DST: variants seen among roughly 807,000 people sequenced by gnomAD.
The protein encoded by DST is dystonin.
A neutral mutation model predicts 875.2 loss-of-function variants in DST; 253 were observed. That is an observed-to-expected ratio of 0.29 (90% CI 0.26 to 0.32). DST has a LOEUF of 0.32. DST is among the 10% of genes least tolerant of loss of function. The probability of loss-of-function intolerance (pLI) is 1.00; values close to 1 mark genes in which losing one functional copy is unlikely to be tolerated. For synonymous variants in DST, 3,124 were observed against 3,197.1 expected (o/e 0.98, Z 0.77); for missense variants, 8,287 against 9,111.6 (o/e 0.91, Z 3.68).
At position 56,835,005 on chromosome 6, in the gene DST, G is replaced by A. The variant is rs189376746; in HGVS notation, c.625+16392C>T. On this transcript the variant is annotated intron_variant, in intron 4 of 103. Coordinates refer to ENST00000680361, the MANE Select transcript of DST (RefSeq NM_001374736.1). ...TTGGTACTTCCAGACAATGAACTTA[G>A]CAATAAAAAGAGATGAGCTATCAAG... Among the ~76,000 whole-genome samples the A allele has an allele frequency of 2.1e-4, 32 of 152,276 alleles. No individual in the cohort carries two copies. The East Asian group carries it at 6.0e-3, about 28-fold the overall frequency.
In DST at chr6:56,605,845, G is replaced by C. The variant is rs781778328; in HGVS notation, c.8783C>G (p.Thr2928Ser). 1 of 1,612,286 alleles carries C rather than the reference G, an allele frequency of 6.2e-7. No individual in the cohort carries two copies. The highest frequency in any genetic ancestry group is 1.3e-5 in the African/African-American group (1 of 74,824). The part of the protein sequence containing the change: ...KDVLPPIIKD[T>S]ESEKTFGPAS... Reference sequence around the variant, plus strand: ...AGGGCCAAAAGTTTTTTCAGATTCAGTGTCTTTAATGATAGGCGGCAATAC... The same window carrying C: ...AGGGCCAAAAGTTTTTTCAGATTCACTGTCTTTAATGATAGGCGGCAATAC... Residue 2928 changes from threonine (T) to serine (S), a missense_variant, in exon 40 of 104, where the codon ACT (threonine) becomes AGT (serine). Transcript: ENST00000680361.
chr6:56,520,969 T>C (rs1016120637), intron 69 of DST, among the ~76,000 whole-genome samples: 8 of 152,104 alleles, frequency 5.3e-5, no homozygotes, highest in Admixed American at 3.9e-4. Context: ...TTTCTGTAAT[T>C]ATAAGGAAAC....
rs1281477350 is a variant in DST at position 56,693,413 on chromosome 6, C to T, written c.1047+6240G>A. On this transcript the variant is annotated intron_variant, in intron 9 of 103. Transcript: ENST00000680361. ...CAATCCTCTTAGACAAACATTACTG[C>T]TCACTGTCAAATTACAACACTGATG... 3 of 1,087,680 alleles carry T rather than the reference C, an allele frequency of 2.8e-6. No individual in the cohort carries two copies. In the Admixed American group the frequency reaches 1.5e-4, roughly 53 times the overall value. The allele number at this position is 1,087,680 out of a possible 1,614,324, so 67.4% of individuals were successfully genotyped here.
chr6:56,602,534 G>A (rs1010333846), intron 43 of DST, among the ~76,000 whole-genome samples: 1 of 151,914 alleles, frequency 6.6e-6, no homozygotes, highest in African/African-American at 2.4e-5. Context: ...ATTAAGTGAT[G>A]CATGACTGTA....
intron 2 of DST, among the ~76,000 whole-genome samples, chr6:56,951,956 C>T (rs1286204299): frequency 6.6e-6 from 1 of 152,132 alleles, no homozygotes; most frequent in Non-Finnish European, 1.5e-5. Context: ...CAGGAACTAG[C>T]ACCCACTAGG....
At chr6:56,462,495 T>C (rs1402836597) in intron 102 of DST, among the ~76,000 whole-genome samples, 1 of 152,158 alleles carries the variant, frequency 6.6e-6, no homozygotes, top group Non-Finnish European at 1.5e-5. Context: ...CTGACCCCCC[T>C]GCACTGATAC....
intron 5 of DST, among the ~76,000 whole-genome samples, chr6:56,719,130 C>A (rs1430844964): frequency 6.6e-6 from 1 of 152,094 alleles, no homozygotes; most frequent in African/African-American, 2.4e-5. Context: ...AGTGTTCACA[C>A]ATGAAAAATA....
chr6:56,573,156 G>A, intron 51 of DST, 92 bp from the exon 52 acceptor site: 1 of 1,133,190 alleles, frequency 8.8e-7, no homozygotes, highest in South Asian at 1.8e-5. Flanking sequence ...AACAACATAA[G>A]CTTGCACAAC....
At chr6:56,603,510 C>G (rs2098465155) in intron 41 of DST, 54 bp downstream of exon 41, 2 of 1,587,626 alleles carry the variant, frequency 1.3e-6, no homozygotes, top group Non-Finnish European at 1.7e-6. Context: ...CTTCTTTTTC[C>G]CAGTCATACA....
intron 37 of DST, among the ~76,000 whole-genome samples, chr6:56,611,979 C>A (rs1421332651): frequency 6.6e-6 from 1 of 152,206 alleles, no homozygotes; most frequent in Non-Finnish European, 1.5e-5. Flanking sequence ...GACACTACTT[C>A]CAAAGGGCAT....
At chr6:56,792,567 C>G (rs2099729012) in intron 4 of DST, among the ~76,000 whole-genome samples, 1 of 152,046 alleles carries the variant, frequency 6.6e-6, no homozygotes, top group Non-Finnish European at 1.5e-5. Flanking sequence ...TCCCTAGTAG[C>G]TGGGAACACA....
intron 4 of DST, among the ~76,000 whole-genome samples, chr6:56,825,488 T>C (rs974592107): frequency 7.5e-5 from 9 of 120,008 alleles, no homozygotes; most frequent in Non-Finnish European, 1.2e-4. Context: ...CACCCAAGAA[T>C]GATCAATAAA....
chr6:56,633,381 T>C lies in DST; in HGVS notation c.3622-344A>G, dbSNP rs895519909. Reference sequence around the variant, plus strand: ...AGCTGGGACTACAGGCGCCTGCCACTACGCCCGGCTAATTTTTTGTATTTT... The same window carrying C: ...AGCTGGGACTACAGGCGCCTGCCACCACGCCCGGCTAATTTTTTGTATTTT... On this transcript the variant is annotated intron_variant, in intron 27 of 103. Coordinates refer to ENST00000680361, the MANE Select transcript of DST (RefSeq NM_001374736.1). Among the ~76,000 whole-genome samples the C allele has an allele frequency of 2.8e-3, 414 of 149,994 alleles. 2 individuals are homozygous for C. Among genetic ancestry groups the C allele is most frequent in the East Asian group, 4.1e-3 (21 of 5,116 alleles).
intron 3 of DST, among the ~76,000 whole-genome samples, chr6:56,894,304 G>C (rs1789622901): frequency 2.3e-5 from 2 of 87,360 alleles, no homozygotes; most frequent in East Asian, 3.1e-4. Context: ...AGGGGCGGCC[G>C]GGCAGAGGCG....
intron 1 of DST, 64 bp from the exon 2 acceptor site, chr6:56,953,883 C>A (rs998139346): frequency 7.5e-6 from 9 of 1,201,002 alleles, no homozygotes; most frequent in Non-Finnish European, 1.0e-5. Context: ...CCGAGTGACT[C>A]ATGACTTACC....
chr6:56,606,575 C>T lies in DST; in HGVS notation c.8053G>A (p.Ala2685Thr). Residue 2685 changes from alanine (A) to threonine (T), a missense_variant, in exon 40 of 104, where the codon GCA becomes ACA. Transcript: ENST00000680361. ...PVGSLSVKNK[A>T]HCLQDFLMDV... Reference sequence around the variant, plus strand: ...ATAAGGAAATCCTGAAGACAATGTGCTTTGTTCTTCACACTTAAGCTACCA... The same window carrying T: ...ATAAGGAAATCCTGAAGACAATGTGTTTTGTTCTTCACACTTAAGCTACCA... The T allele has an allele frequency of 2.1e-5, 34 of 1,613,568 alleles. No homozygotes were observed. Among genetic ancestry groups the T allele is most frequent in the Non-Finnish European group, 2.9e-5 (34 of 1,179,606 alleles).
chr6:56,833,091 C>T (rs531761685), intron 4 of DST, among the ~76,000 whole-genome samples: 3 of 152,290 alleles, frequency 2.0e-5, no homozygotes, highest in East Asian at 1.9e-4. Flanking sequence ...ATCACAAGAT[C>T]GCAAGACGAA....
intron 100 of DST, 177 bp downstream of exon 100, chr6:56,464,508 A>C: frequency 3.3e-6 from 2 of 610,014 alleles, no homozygotes; most frequent in South Asian, 4.1e-5. Flanking sequence ...TGTGTAACAC[A>C]ACCAAAGTCA....
intron 8 of DST, 45 bp from the exon 9 acceptor site, chr6:56,699,790 C>G: frequency 2.3e-6 from 2 of 873,536 alleles, no homozygotes; most frequent in Non-Finnish European, 1.7e-6. Context: ...GTTTATCAAA[C>G]CTGAACCAGT....
Sources: allele counts gnomAD v4.1 joint callset (sites outside exome capture counted in the v4.1 genomes callset), GRCh38; gene constraint gnomAD v4.1.1; transcripts MANE v1.5; gene names NCBI Gene and HGNC (gene_info 2026-07-23, HGNC 2026-07-21).